MALL: variants seen among roughly 807,000 people sequenced by gnomAD.
MALL encodes MAL-like protein.
Under a neutral mutation model 10.3 loss-of-function variants are expected in MALL, and 2 were observed. That is an observed-to-expected ratio of 0.19 (90% confidence interval 0.08 to 0.61). MALL has a LOEUF of 0.61. Ranked by LOEUF, MALL falls within the 20% of genes least tolerant of loss-of-function variation. The pLI, the probability that MALL is intolerant of heterozygous loss-of-function variation, is 0.88. For missense variants in MALL, 39 were observed against 115.2 expected (o/e 0.34, Z 3.03); for synonymous variants, 27 against 51.8 (o/e 0.52, Z 2.05).
chr2:110,115,540 CCCCCTCTCT>C, intron 1 of MALL, 139 bp downstream of exon 1: 3 of 433,508 alleles, frequency 6.9e-6, no homozygotes, highest in Non-Finnish European at 3.9e-6. Flanking sequence ...CGGTCTCCCC[CCCCCTCTCT>C]GCAGGTGGCC....
intron 1 of MALL, among the ~76,000 whole-genome samples, chr2:110,100,241 A>C (rs974807063): frequency 6.6e-6 from 1 of 152,112 alleles, no homozygotes; most frequent in African/African-American, 2.4e-5. Flanking sequence ...CACTTTGGGA[A>C]GCTGAGGTGG....
upstream of MALL, among the ~76,000 whole-genome samples, chr2:110,117,781 AC>A (rs1347037712): frequency 1.3e-5 from 2 of 152,096 alleles, no homozygotes; most frequent in Non-Finnish European, 2.9e-5. Flanking sequence ...TGCCACCACC[AC>A]TGTCACGAGA....
At chr2:110,109,036 A>C (rs1176159153) in intron 1 of MALL, among the ~76,000 whole-genome samples, 11 of 152,210 alleles carry the variant, frequency 7.2e-5, no homozygotes, top group Admixed American at 7.2e-4. Flanking sequence ...CAACTGCTAA[A>C]AGAAGCTCTA....
chr2:110,101,057 G>A (rs543100871), intron 1 of MALL, among the ~76,000 whole-genome samples: 1 of 151,330 alleles, frequency 6.6e-6, no homozygotes, highest in East Asian at 1.9e-4. Flanking sequence ...CTCCCTGTGG[G>A]TGGCTCAGAG....
chr2:110,097,857 C>A (rs1678479983), intron 1 of MALL, among the ~76,000 whole-genome samples: 1 of 152,104 alleles, frequency 6.6e-6, no homozygotes, highest in Non-Finnish European at 1.5e-5. Context: ...TTTATGACAG[C>A]TTTGCCTCTC....
Position 110,100,968 on chromosome 2 carries a change from C to T in MALL, c.106-9198G>A, listed in dbSNP as rs138141921. On this transcript the variant is annotated intron_variant, in intron 1 of 3. Transcript: ENST00000272462. The stretch of plus-strand genomic sequence containing the variant: ...GGTCTTCCACACGCATGCTCCTACC[C>T]CAAGTGCCACAGCTGGAGGTCAGGG... 3.3e-3 allele frequency among the ~76,000 whole-genome samples: 499 copies of T among 152,234 alleles called. 5 individuals carry two copies. The highest frequency in any genetic ancestry group is 0.018 in the South Asian group (85 of 4,820).
At chr2:110,116,495 C>T (rs1198704742), upstream of MALL, 2 of 152,344 alleles carry the variant, frequency 1.3e-5, no homozygotes, top group Non-Finnish European at 2.9e-5. Flanking sequence ...ATGAAGGCCC[C>T]CCAGTCTCTG....
chr2:110,092,784 G>C (rs1678399926), intron 1 of MALL, among the ~76,000 whole-genome samples: 2 of 120,494 alleles, frequency 1.7e-5, no homozygotes, highest in Admixed American at 1.7e-4. Flanking sequence ...TTGCATTCCA[G>C]ATTTTCCTCC....
At chr2:110,109,561 T>G (rs1211061111) in intron 1 of MALL, among the ~76,000 whole-genome samples, 20 of 152,072 alleles carry the variant, frequency 1.3e-4, no homozygotes, top group Admixed American at 1.3e-3. Context: ...AAACAATTAC[T>G]AATAGACCTA....
intron 1 of MALL, among the ~76,000 whole-genome samples, chr2:110,112,579 A>C (rs1678827971): frequency 6.6e-6 from 1 of 152,080 alleles, no homozygotes; most frequent in Non-Finnish European, 1.5e-5. Context: ...AAATCAAAAA[A>C]AAAATAGATG....
At chr2:110,097,730 A>G in intron 1 of MALL, 1 of 303,042 alleles carries the variant, frequency 3.3e-6, no homozygotes, top group Non-Finnish European at 6.6e-6. Flanking sequence ...AGGAGGGAGG[A>G]GTGCCAGGGG....
chr2:110,116,240 TG>T (rs1034233245), upstream of MALL: 5 of 158,286 alleles, frequency 3.2e-5, no homozygotes, highest in African/African-American at 1.2e-4. Flanking sequence ...GTGGCTGTTT[TG>T]CCCTTTTCCA....
intron 1 of MALL, among the ~76,000 whole-genome samples, chr2:110,099,524 T>C (rs1678516953): frequency 6.6e-6 from 1 of 152,142 alleles, no homozygotes; most frequent in Admixed American, 6.5e-5. Flanking sequence ...GTTCTAGCTT[T>C]TTCCTGTTAC....
At chr2:110,095,920 G>C (rs1289602941) in intron 1 of MALL, among the ~76,000 whole-genome samples, 1 of 152,162 alleles carries the variant, frequency 6.6e-6, no homozygotes, top group African/African-American at 2.4e-5. Flanking sequence ...AGCTATGATG[G>C]ATTGGAATGC....
chr2:110,101,706 C>T (rs935510950), intron 1 of MALL, among the ~76,000 whole-genome samples: 11 of 152,126 alleles, frequency 7.2e-5, no homozygotes, highest in South Asian at 2.1e-4. Context: ...GCACCACGTC[C>T]GCCCATTCAG....
chr2:110,099,973 C>G (rs1678527984), intron 1 of MALL, among the ~76,000 whole-genome samples: 2 of 152,062 alleles, frequency 1.3e-5, no homozygotes, highest in Non-Finnish European at 2.9e-5. Context: ...CCCTGGGATT[C>G]AAGTCTGTGC....
intron 1 of MALL, among the ~76,000 whole-genome samples, chr2:110,095,648 T>C (rs1288212398): frequency 6.6e-6 from 1 of 151,740 alleles, no homozygotes; most frequent in Non-Finnish European, 1.5e-5. Context: ...AACGATGTAG[T>C]GTGAACTTTT....
intron 1 of MALL, 113 bp downstream of exon 1, chr2:110,115,575 C>CCTCTCTCTTCTCGGTCCGGTCTGGGT (rs1252879992): frequency 1.4e-5 from 6 of 428,020 alleles, no homozygotes; most frequent in Non-Finnish European, 1.7e-5. Flanking sequence ...GCTTGCTGCC[C>CCTCTCTCTTCTCGGTCCGGTCTGGGT]CTCTCTCTTC....
In MALL at chr2:110,115,784, C is replaced by T. The variant is rs377589321; in HGVS notation, c.9G>A (p.Ser3=). The T allele has an allele frequency of 1.6e-6, 2 of 1,267,222 alleles. No homozygotes were observed. Among genetic ancestry groups the T allele is most frequent in the Non-Finnish European group, 2.0e-6 (2 of 999,822 alleles). The allele number at this position is 1,267,222 out of a possible 1,614,324, so 78.5% of individuals were successfully genotyped here. Residue 3 remains serine (S), a synonymous_variant, in exon 1 of 4, where the codon TCG becomes TCA. Transcript: ENST00000272462. MA[S]PDPPATSYAP... The stretch of plus-strand genomic sequence containing the variant: ...CGTAGCTGGTGGCGGGCGGGTCGGG[C>T]GAGGCCATGCTGTCAGCCCCTGCCG...
Sources: allele counts gnomAD v4.1 joint callset (sites outside exome capture counted in the v4.1 genomes callset), GRCh38; gene constraint gnomAD v4.1.1; transcripts MANE v1.5; gene names NCBI Gene and HGNC (gene_info 2026-07-23, HGNC 2026-07-21).